ZBTB20: variants seen among roughly 807,000 people sequenced by gnomAD.
ZBTB20 encodes the protein zinc finger and BTB domain-containing protein 20.
A neutral mutation model predicts 56.9 loss-of-function variants in ZBTB20; 9 were observed. The observed-to-expected ratio is 0.16, with a 90% CI of 0.10 to 0.28. The LOEUF (loss-of-function observed/expected upper bound fraction) is 0.28. Among genes scored for constraint, ZBTB20 ranks in the 10% least tolerant of loss-of-function variants. The probability of loss-of-function intolerance (pLI) is 1.00; values close to 1 mark genes in which losing one functional copy is unlikely to be tolerated. For synonymous variants in ZBTB20, 417 were observed against 420.7 expected, an observed-to-expected ratio of 0.99 and a Z score of 0.11; for missense variants, 655 against 1,003.0, an observed-to-expected ratio of 0.65 and a Z score of 4.69.
At chr3:114,472,558 CTT>C (rs1378714864) in intron 7 of ZBTB20, among the ~76,000 whole-genome samples, 1 of 152,012 alleles carries the variant, frequency 6.6e-6, no homozygotes, top group Non-Finnish European at 1.5e-5. Flanking sequence ...AAATATAAAA[CTT>C]AGCCGGGCGT....
At chr3:114,484,798 A>AGAGTGTGT (rs1553726432) in intron 7 of ZBTB20, among the ~76,000 whole-genome samples, 2,016 of 150,602 alleles carry the variant, frequency 0.013, 39 homozygotes, top group African/African-American at 0.046. Flanking sequence ...ATATCAATAG[A>AGAGTGTGT]GTGTGTGTGT....
At chr3:114,412,317 G>A (rs1378062307) in intron 7 of ZBTB20, among the ~76,000 whole-genome samples, 1 of 152,128 alleles carries the variant, frequency 6.6e-6, no homozygotes, top group Non-Finnish European at 1.5e-5. Flanking sequence ...GTTCTATAAA[G>A]CACTGTACAA....
intron 7 of ZBTB20, among the ~76,000 whole-genome samples, chr3:114,496,557 C>A (rs898251597): frequency 6.6e-6 from 1 of 152,158 alleles, no homozygotes; most frequent in African/African-American, 2.4e-5. Flanking sequence ...AACACACCCA[C>A]GCATATCCTC....
At chr3:115,000,796 C>T (rs1409209960) in intron 2 of ZBTB20, among the ~76,000 whole-genome samples, 2 of 151,340 alleles carry the variant, frequency 1.3e-5, no homozygotes, top group South Asian at 2.1e-4. Flanking sequence ...AACAAAAAAC[C>T]TCATTATATA....
chr3:114,572,526 T>G (rs548556198), intron 6 of ZBTB20, among the ~76,000 whole-genome samples: 40 of 152,322 alleles, frequency 2.6e-4, no homozygotes, highest in African/African-American at 9.1e-4. Flanking sequence ...GACAAGCTTG[T>G]GTACAAATGG....
At chr3:114,859,457 T>C (rs2075409312) in intron 4 of ZBTB20, among the ~76,000 whole-genome samples, 1 of 151,956 alleles carries the variant, frequency 6.6e-6, no homozygotes, top group Non-Finnish European at 1.5e-5. Context: ...TCCTTCAATT[T>C]GGTGGAGGAG....
intron 1 of ZBTB20, among the ~76,000 whole-genome samples, chr3:115,081,273 T>G (rs1274550459): frequency 6.6e-6 from 1 of 152,086 alleles, no homozygotes; most frequent in Non-Finnish European, 1.5e-5. Context: ...CTTTAACAGT[T>G]TCTCTTCCTT....
At chr3:114,570,496 A>C (rs2053299385) in intron 6 of ZBTB20, among the ~76,000 whole-genome samples, 1 of 151,958 alleles carries the variant, frequency 6.6e-6, no homozygotes, top group Non-Finnish European at 1.5e-5. Context: ...TTATTACTCT[A>C]ACAGACATGA....
At chr3:114,604,707 C>T (rs935566545) in intron 6 of ZBTB20, among the ~76,000 whole-genome samples, 6 of 151,906 alleles carry the variant, frequency 3.9e-5, no homozygotes, top group African/African-American at 9.7e-5. Flanking sequence ...GTCCAAATGG[C>T]GTCTTTGGAG....
intron 10 of ZBTB20, among the ~76,000 whole-genome samples, chr3:114,368,750 G>T (rs564405266): frequency 5.9e-5 from 9 of 152,344 alleles, no homozygotes; most frequent in African/African-American, 2.2e-4. Flanking sequence ...CGCTTTGCCT[G>T]TATCACTGCC....
intron 6 of ZBTB20, among the ~76,000 whole-genome samples, chr3:114,615,263 G>A (rs760379925): frequency 5.9e-5 from 9 of 152,148 alleles, no homozygotes; most frequent in Non-Finnish European, 1.3e-4. Flanking sequence ...TAGAGTATAA[G>A]CATTCAACTC....
chr3:114,852,612 T>C (rs1433253556), intron 4 of ZBTB20, among the ~76,000 whole-genome samples: 1 of 152,196 alleles, frequency 6.6e-6, no homozygotes, highest in South Asian at 2.1e-4. Flanking sequence ...ATTTATTTGC[T>C]AGTATGGAAA....
chr3:114,977,578 C>T (rs528681674), intron 2 of ZBTB20, among the ~76,000 whole-genome samples: 1 of 152,186 alleles, frequency 6.6e-6, no homozygotes, highest in East Asian at 1.9e-4. Context: ...GTTGAGATAG[C>T]TGACTGATTA....
At chr3:114,680,010 T>A (rs1218952919) in intron 6 of ZBTB20, among the ~76,000 whole-genome samples, 1 of 152,138 alleles carries the variant, frequency 6.6e-6, no homozygotes, top group African/African-American at 2.4e-5. Context: ...CTGGAAACCA[T>A]CATTCTCAGC....
At chr3:114,544,285 T>C (rs2049459237) in intron 6 of ZBTB20, among the ~76,000 whole-genome samples, 2 of 152,100 alleles carry the variant, frequency 1.3e-5, no homozygotes, top group South Asian at 2.1e-4. Flanking sequence ...TTGCCAACCA[T>C]GAAATTATGA....
At chr3:114,834,476 G>C (rs1467379919) in intron 4 of ZBTB20, among the ~76,000 whole-genome samples, 1 of 152,076 alleles carries the variant, frequency 6.6e-6, no homozygotes, top group African/African-American at 2.4e-5. Context: ...CATTCCCACT[G>C]TCAGCAAGAA....
At position 114,378,021 on chromosome 3, in the gene ZBTB20, T is replaced by C. The variant is rs1290686168; in HGVS notation, c.199+2196A>G. 5.3e-5 allele frequency among the ~76,000 whole-genome samples: 8 copies of C among 152,270 alleles called. No homozygotes were observed. In the East Asian group the frequency reaches 1.4e-3, roughly 26 times the overall value. ...TTAAATGCCCCAAATCTGTTAGTTCTAAATAGGAACTGAATATTTTACCTT... is the reference window on the plus strand; with the variant it reads ...TTAAATGCCCCAAATCTGTTAGTTCCAAATAGGAACTGAATATTTTACCTT... On this transcript the variant is annotated intron_variant, in intron 10 of 11. Coordinates refer to ENST00000675478, the MANE Select transcript of ZBTB20 (RefSeq NM_001348800.3).
chr3:114,842,679 G>A (rs1449592277), intron 4 of ZBTB20, among the ~76,000 whole-genome samples: 2 of 152,196 alleles, frequency 1.3e-5, no homozygotes, highest in African/African-American at 4.8e-5. Context: ...AAAAATGGTT[G>A]AAGTTGACTG....
In ZBTB20 at chr3:114,507,604, C is replaced by T. The variant is rs6768098; in HGVS notation, c.-294-7213G>A. 8.9e-3 allele frequency among the ~76,000 whole-genome samples: 1,354 copies of T among 152,218 alleles called. 14 individuals carry two copies. Among genetic ancestry groups the T allele is most frequent in the African/African-American group, 0.028 (1,170 of 41,558 alleles). ...AAGTGGTAAATAATCAAATAGATTG[C>T]TAAGAGCAGTTCTGAAATTTCTTTC... On this transcript the variant is annotated intron_variant, in intron 6 of 11. Coordinates refer to ENST00000675478, the MANE Select transcript of ZBTB20 (RefSeq NM_001348800.3).
Sources: allele counts gnomAD v4.1 joint callset (sites outside exome capture counted in the v4.1 genomes callset), GRCh38; gene constraint gnomAD v4.1.1; transcripts MANE v1.5; gene names NCBI Gene and HGNC (gene_info 2026-07-23, HGNC 2026-07-21).